The following HK3 variants were observed in gnomAD, a reference collection of about 807,000 sequenced individuals.
HK3 encodes the protein hexokinase-3.
A neutral mutation model predicts 91.0 loss-of-function variants in HK3; 93 were observed. The ratio of observed to expected loss-of-function variants is 1.02; its 90% CI spans 0.86 to 1.21. HK3 has a LOEUF of 1.21. Among genes scored for constraint, HK3 ranks in the 50% most tolerant of loss-of-function variants. The pLI, the probability that HK3 is intolerant of heterozygous loss-of-function variation, is 0.00. For missense variants in HK3, 1,235 were observed against 1,247.4 expected, an observed-to-expected ratio of 0.99 and a Z score of 0.15; for synonymous variants, 519 against 516.9, an observed-to-expected ratio of 1.00 and a Z score of -0.06.
chr5:176,887,405 C>G lies in HK3; in HGVS notation c.1600+46G>C. The G allele has an allele frequency of 6.2e-7, 1 of 1,612,688 alleles. No homozygotes were observed. The highest frequency in any genetic ancestry group is 8.5e-7 in the Non-Finnish European group (1 of 1,179,376). ...CTCCAGCCCCAGCACACACTGGGAC[C>G]CCCAGGAGCCCATGTTTCGGTCCCA... On this transcript the variant is annotated intron_variant, in intron 11 of 18. Transcript: ENST00000292432. The surrounding 1 kb of genome is among the most constrained non-coding windows in gnomAD (Gnocchi z 4.9).
chr5:176,892,034 C>T (rs1273806776), intron 2 of HK3, among the ~76,000 whole-genome samples: 1 of 152,234 alleles, frequency 6.6e-6, no homozygotes, highest in Non-Finnish European at 1.5e-5. Context: ...TTGGAGACCA[C>T]ACTGCAGAGG....
At chr5:176,886,980 A>G (rs1455369271) in intron 13 of HK3, 22 bp downstream of exon 13, 2 of 1,613,136 alleles carry the variant, frequency 1.2e-6, no homozygotes, top group Non-Finnish European at 8.5e-7. Flanking sequence ...CTTGGGAATC[A>G]CTTCTCTTGG....
intron 13 of HK3, among the ~76,000 whole-genome samples, chr5:176,885,148 C>T (rs1758549038): frequency 1.3e-5 from 2 of 152,164 alleles, no homozygotes; most frequent in Admixed American, 6.5e-5. Context: ...CTATGCCCTC[C>T]CCACTGGGCT....
At chr5:176,883,347 G>A (rs570664951) in intron 15 of HK3, among the ~76,000 whole-genome samples, 1 of 152,212 alleles carries the variant, frequency 6.6e-6, no homozygotes, top group South Asian at 2.1e-4. Flanking sequence ...CATGAGCCAG[G>A]GACCATGCTG....
At chr5:176,888,302 C>A in intron 10 of HK3, 30 bp downstream of exon 10, 1 of 1,525,746 alleles carries the variant, frequency 6.6e-7, no homozygotes, top group South Asian at 1.2e-5. Context: ...TTCATGCCAA[C>A]TAATCATGCG....
intron 6 of HK3, among the ~76,000 whole-genome samples, chr5:176,890,390 T>C (rs1758732835): frequency 6.6e-6 from 1 of 152,242 alleles, no homozygotes; most frequent in Non-Finnish European, 1.5e-5. Context: ...CAAAGTCTAT[T>C]CATGTTTTTT....
intron 1 of HK3, among the ~76,000 whole-genome samples, chr5:176,898,202 C>G (rs1473066659): frequency 3.3e-5 from 5 of 152,202 alleles, no homozygotes; most frequent in African/African-American, 9.7e-5. Flanking sequence ...TTCTTCACCT[C>G]CTTACCCCAC....
At chr5:176,894,195 C>CA (rs1369195409) in intron 2 of HK3, among the ~76,000 whole-genome samples, 1 of 152,152 alleles carries the variant, frequency 6.6e-6, no homozygotes, top group Non-Finnish European at 1.5e-5. Flanking sequence ...TCTCTGATGA[C>CA]AAAGAGAAGC....
intron 15 of HK3, 145 bp downstream of exon 15, chr5:176,883,625 C>A (rs1758500133): frequency 6.2e-6 from 4 of 640,710 alleles, no homozygotes; most frequent in Non-Finnish European, 8.2e-6. Context: ...AAACTGCCAG[C>A]CCAAGAGATT....
chr5:176,895,993 T>C (rs1215639100), intron 2 of HK3, 71 bp downstream of exon 2: 2 of 1,268,052 alleles, frequency 1.6e-6, no homozygotes, highest in African/African-American at 2.9e-5. Flanking sequence ...CAGGGCCCCA[T>C]GGCAGCTTCA....
At position 176,890,837 on chromosome 5, in the gene HK3, C is replaced by A. The variant is rs150021076; in HGVS notation, c.519G>T (p.Gln173His). Residue 173 changes from glutamine to histidine, a missense_variant, in exon 5 of 19, where the codon CAG becomes CAT. By Grantham distance (24) the Gln-to-His change is conservative. Coordinates refer to ENST00000292432, the MANE Select transcript of HK3 (RefSeq NM_002115.3). The stretch of plus-strand genomic sequence containing the variant: ...TCCACCTCACCCTGTCCAAGCCCGT[C>A]TGGTGACAAGGGAAAGAGAAGCTGA... Reference protein sequence around the residue: ...LGFSFSFPCHQTGLDRSTLIS... With the variant: ...LGFSFSFPCHHTGLDRSTLIS... 40 of 1,614,060 alleles carry A rather than the reference C, an allele frequency of 2.5e-5. No individual in the cohort carries two copies. The highest frequency in any genetic ancestry group is 3.4e-5 in the Non-Finnish European group (40 of 1,180,058).
chr5:176,894,543 G>A (rs1017231823), intron 2 of HK3, among the ~76,000 whole-genome samples: 3 of 152,172 alleles, frequency 2.0e-5, no homozygotes, highest in Non-Finnish European at 2.9e-5. Flanking sequence ...CCCAGCCACC[G>A]CTGTCACTCC....
chr5:176,894,578 C>T (rs1758860221), intron 2 of HK3, among the ~76,000 whole-genome samples: 1 of 152,056 alleles, frequency 6.6e-6, no homozygotes, highest in Admixed American at 6.5e-5. Flanking sequence ...GGGTCAGGCA[C>T]AGAAGAACTG....
At chr5:176,889,300 G>A (rs55919126) in intron 8 of HK3, 81 bp downstream of exon 8, 1 of 1,470,664 alleles carries the variant, frequency 6.8e-7, no homozygotes, top group Non-Finnish European at 9.3e-7. Context: ...AAGGGCCTGA[G>A]AACAGGGACA....
At position 176,883,790 on chromosome 5, in the gene HK3, C is replaced by T. The variant is rs753685728; in HGVS notation, c.2033G>A (p.Cys678Tyr). Residue 678 changes from cysteine (C) to tyrosine (Y), a missense_variant, in exon 15 of 19, where the codon TGC becomes TAC. Transcript: ENST00000292432. ...MMSCGYEDPR[C>Y]EIGLIVGTGT... ...CTCACCGACAATGAGGCCTATCTCG[C>T]AACGGGGGTCCTCATAGCCACAGGA... is the stretch of plus-strand genomic sequence containing the variant. 12 of 1,613,896 alleles carry T rather than the reference C, an allele frequency of 7.4e-6. No homozygotes were observed. Among genetic ancestry groups the T allele is most frequent in the African/African-American group, 1.3e-5 (1 of 74,922 alleles).
intron 15 of HK3, among the ~76,000 whole-genome samples, chr5:176,882,773 A>T (rs1300106847): frequency 6.6e-6 from 1 of 152,204 alleles, no homozygotes; most frequent in African/African-American, 2.4e-5. Context: ...ACCCTGGATG[A>T]GGGCGTCTCC....
Position 176,891,075 on chromosome 5 carries a change from C to A in HK3, c.376G>T (p.Val126Leu). The A allele has an allele frequency of 6.2e-7, 1 of 1,614,132 alleles. No individual in the cohort carries two copies. Among genetic ancestry groups the A allele is most frequent in the Non-Finnish European group, 8.5e-7 (1 of 1,180,046 alleles). The change falls in exon 4 of 19, where the codon GTG (valine) becomes TTG (leucine). Residue 126 changes from valine to leucine, a missense_variant. By Grantham distance (32) the Val-to-Leu change is conservative. This residue lies in a region of HK3 where 717 missense variants were observed against 751.6 expected (regional missense o/e 0.95). Transcript: ENST00000292432. ...CCCAGCATCACCTCTTGGGGGATCA[C>A]AAACTCCTGGCTTCTGGGCTCCACC... ...HRVEPRSQEF[V>L]IPQEVMLGAG...
In HK3 at chr5:176,881,465, C is replaced by T. The variant is rs759630908; in HGVS notation, c.2464G>A (p.Ala822Thr). Residue 822 changes from alanine (A) to threonine (T), a missense_variant, in exon 18 of 19, where the codon GCC becomes ACC. Physicochemically the swap from Ala to Thr is moderately conservative, Grantham distance 58 (BLOSUM62 0). Transcript: ENST00000292432. ...TGGCACACCTCTAGCACCATCAGGG[C>T]GTCATCTGAGGTCAGGGGTAGCCCC... ...DLGLPLTSDDALMVLEVCQAV... is the reference protein window; with the variant it reads ...DLGLPLTSDDTLMVLEVCQAV... 65 of 1,608,962 alleles carry T rather than the reference C, an allele frequency of 4.0e-5. No individual in the cohort carries two copies. The highest frequency in any genetic ancestry group is 5.5e-5 in the South Asian group (5 of 91,088).
At chr5:176,897,565 T>C (rs1200384880) in intron 1 of HK3, among the ~76,000 whole-genome samples, 1 of 152,132 alleles carries the variant, frequency 6.6e-6, no homozygotes, top group East Asian at 1.9e-4. Flanking sequence ...AACTGCCCAA[T>C]CCCAAGCCTT....
Sources: gnomAD v4.1 joint callset for allele counts (sites outside exome capture counted in the v4.1 genomes callset) on GRCh38, gnomAD v4.1.1 for gene constraint, gnomAD v4.1.1 regional missense constraint, Gnocchi (gnomAD v3.1) non-coding constraint, MANE v1.5 for transcripts, NCBI Gene and HGNC (gene_info 2026-07-23, HGNC 2026-07-21) for gene names.